The following ZNF680 variants were observed in gnomAD, a reference collection of about 807,000 sequenced individuals.
ZNF680 encodes the protein hypothetical protein FLJ90430.
A neutral mutation model predicts 12.1 loss-of-function variants in ZNF680; 6 were observed. That is an observed-to-expected ratio of 0.49 (90% confidence interval 0.27 to 0.98). The LOEUF is 0.98. Ranked by LOEUF, ZNF680 falls within the 50% of genes least tolerant of loss-of-function variation. The pLI is 0.12. For synonymous variants in ZNF680, 170 were observed against 199.3 expected (o/e 0.85, Z 1.24); for missense variants, 561 against 616.3 (o/e 0.91, Z 0.95).
rs190266989 is a variant in ZNF680 at position 64,530,697 on chromosome 7, A to G, written c.254-8197T>C. On this transcript the variant is annotated intron_variant, in intron 3 of 3. Transcript: ENST00000309683. The stretch of plus-strand genomic sequence containing the variant: ...AAAATGGAGAAACTCCATCTCTACT[A>G]AAAATACAAAAATTAGCCGGGTGTG... 7.9e-3 allele frequency among the ~76,000 whole-genome samples: 1,202 copies of G among 151,906 alleles called. 10 individuals are homozygous for G. Among genetic ancestry groups the G allele is most frequent in the Non-Finnish European group, 0.013 (876 of 67,924 alleles).
downstream of ZNF680, among the ~76,000 whole-genome samples, chr7:64,518,025 A>C (rs1263239684): frequency 2.6e-5 from 4 of 152,226 alleles, no homozygotes; most frequent in South Asian, 2.1e-4. Flanking sequence ...AACAGGAACA[A>C]CACCAGGATG....
chr7:64,562,918 C>T lies in ZNF680; in HGVS notation c.30+7G>A, dbSNP rs771677822. 1.7e-5 allele frequency: 27 copies of T among 1,613,730 alleles called. No homozygotes were observed. The highest frequency in any genetic ancestry group is 2.2e-5 in the South Asian group (2 of 91,080). Reference sequence around the variant, plus strand: ...CCCTCTCTCGGGGTGTCGGACCGCACTCTCACCATTTCTAGGCTTCCAGGT... The same window carrying T: ...CCCTCTCTCGGGGTGTCGGACCGCATTCTCACCATTTCTAGGCTTCCAGGT... On this transcript the variant is annotated splice_region_variant and intron_variant, in intron 1 of 3. Transcript: ENST00000309683.
intron 1 of ZNF680, among the ~76,000 whole-genome samples, chr7:64,556,134 A>G (rs1198035612): frequency 6.6e-6 from 1 of 152,096 alleles, no homozygotes; most frequent in Non-Finnish European, 1.5e-5. Flanking sequence ...ACACAAGCCA[A>G]TGGGCAGCCA....
At chr7:64,553,715 G>A (rs1351949881) in intron 1 of ZNF680, among the ~76,000 whole-genome samples, 2 of 152,172 alleles carry the variant, frequency 1.3e-5, no homozygotes, top group Non-Finnish European at 2.9e-5. Context: ...CCTGCCAAGT[G>A]CCTGGGATTG....
chr7:64,519,674 G>A (rs561565458), downstream of ZNF680, among the ~76,000 whole-genome samples: 4 of 151,762 alleles, frequency 2.6e-5, no homozygotes, highest in South Asian at 8.3e-4. Flanking sequence ...TTTGCTATGT[G>A]GAATCTAAAA....
rs1390226348 is a variant in ZNF680, at chr7:64,544,141, C to T, written c.157+165G>A. On this transcript the variant is annotated intron_variant, in intron 2 of 3. Transcript: ENST00000309683. ...GTGGAAAGTTCAGGTCAAGATGAAA[C>T]GTACTGAAGGAATTTTTTTCTACAT... 14 of 998,602 alleles carry T rather than the reference C, an allele frequency of 1.4e-5. 1 individual carries two copies. The highest frequency in any genetic ancestry group is 5.0e-5 in the South Asian group (3 of 60,534). 61.9% of individuals were successfully genotyped at this position (998,602 alleles called of 1,614,324 possible).
At chr7:64,534,381 T>C (rs1048242200) in intron 3 of ZNF680, among the ~76,000 whole-genome samples, 2 of 152,114 alleles carry the variant, frequency 1.3e-5, no homozygotes, top group African/African-American at 4.8e-5. Flanking sequence ...CAAAAGAAGA[T>C]ATACAAATGG....
At chr7:64,508,123 G>GTATATATATATATATATATA in the ZNF680 span, among the ~76,000 whole-genome samples, 474 of 117,582 alleles carry the variant, frequency 4.0e-3, 42 homozygotes, top group African/African-American at 0.018. Flanking sequence ...ATTTTAAAAT[G>GTATATATATATATATATATA]TATATATATA....
At chr7:64,504,001 A>G in the ZNF680 span, among the ~76,000 whole-genome samples, 1 of 152,216 alleles carries the variant, frequency 6.6e-6, no homozygotes, top group Admixed American at 6.5e-5. Context: ...GTGGTAAAAT[A>G]TTACTTTTAT....
chr7:64,534,179 CA>C (rs1460450680), intron 3 of ZNF680, among the ~76,000 whole-genome samples: 6 of 151,996 alleles, frequency 3.9e-5, no homozygotes, highest in Non-Finnish European at 8.8e-5. Flanking sequence ...CTTAATTAAA[CA>C]AAAGAGCTTT....
At chr7:64,529,315 C>T (rs1162198304) in intron 3 of ZNF680, among the ~76,000 whole-genome samples, 1 of 152,138 alleles carries the variant, frequency 6.6e-6, no homozygotes, top group African/African-American at 2.4e-5. Flanking sequence ...AAGAAGGAAT[C>T]CCTGTTTTAC....
At position 64,558,017 on chromosome 7, in the gene ZNF680, G is replaced by A. The variant is rs940615501; in HGVS notation, c.30+4908C>T. Among the ~76,000 whole-genome samples the A allele has an allele frequency of 3.3e-5, 5 of 152,256 alleles. No homozygotes were observed. The South Asian group carries it at 6.2e-4, about 19-fold the overall frequency. On this transcript the variant is annotated intron_variant, in intron 1 of 3. Transcript: ENST00000309683. ...CCCCAACCCTGAAACAAAAATAAAA[G>A]TTAAAAGGAATAAAATCCACAGGTG...
At chr7:64,503,060 T>G in the ZNF680 span, among the ~76,000 whole-genome samples, 1 of 151,996 alleles carries the variant, frequency 6.6e-6, no homozygotes, top group African/African-American at 2.4e-5. Context: ...TTGAATTAAA[T>G]TATTACTTAT....
At chr7:64,500,007 G>A in the ZNF680 span, among the ~76,000 whole-genome samples, 1 of 152,324 alleles carries the variant, frequency 6.6e-6, no homozygotes, top group East Asian at 1.9e-4. Context: ...AAGAGACACA[G>A]AAGCAGTCCA....
rs1021543212 is a variant in ZNF680, at chr7:64,540,599, G to A, written c.253+3108C>T. ...ATTACAGGCATGAGCCACTGAGCCC[G>A]GCTGATTTATCTTTTAATTAAACCC... On this transcript the variant is annotated intron_variant, in intron 3 of 3. Coordinates refer to ENST00000309683, the MANE Select transcript of ZNF680 (RefSeq NM_178558.5). Among the ~76,000 whole-genome samples the A allele has an allele frequency of 5.9e-5, 9 of 152,072 alleles. No individual in the cohort carries two copies. In the South Asian group the frequency reaches 8.3e-4, roughly 14 times the overall value.
In ZNF680 at chr7:64,522,156, GT is replaced by G. The variant is rs1285868613; in HGVS notation, c.597del (p.Gln199HisfsTer3). ...TTCTCTCTAGTGTGAATTCTTATAT[GT>G]TGTGTTAGATGTGAAAGCATGCAAA... The part of the protein sequence containing the change: ...KSFCMLSHLT[Q>X]HIRIHTRENS... On this transcript the variant is annotated frameshift_variant, in exon 4 of 4. Transcript: ENST00000309683. LOFTEE classifies it low-confidence loss of function (END_TRUNC). 1 of 1,612,960 alleles carries G rather than the reference GT, an allele frequency of 6.2e-7. No homozygotes were observed.
rs532422147 is a variant in ZNF680, at chr7:64,545,263, C to CAA, written c.31-833_31-832dup. On this transcript the variant is annotated intron_variant, in intron 1 of 3. Transcript: ENST00000309683. ...TGGGCAACAGAGTGAGACTCCATCTCAAAAAAAAAAAAAAAAAAAAAAAAA... is the reference window on the plus strand; with the variant it reads ...TGGGCAACAGAGTGAGACTCCATCTCAAAAAAAAAAAAAAAAAAAAAAAAAAA... Among the ~76,000 whole-genome samples, 82 of 89,724 alleles carry CAA rather than the reference C, an allele frequency of 9.1e-4. 1 individual carries two copies. The highest frequency in any genetic ancestry group is 1.2e-3 in the South Asian group (2 of 1,604). The allele number at this position is 89,724 out of a possible 152,430, so 58.9% of individuals were successfully genotyped here. A position where few individuals can be genotyped will look rare whatever the true frequency, so the allele number is the denominator to read the frequency against.
downstream of ZNF680, among the ~76,000 whole-genome samples, chr7:64,517,689 C>CT (rs891768231): frequency 2.6e-5 from 4 of 151,564 alleles, no homozygotes; most frequent in African/African-American, 9.7e-5. Flanking sequence ...GGCTAAAATC[C>CT]TTTAAAAAAA....
intron 3 of ZNF680, among the ~76,000 whole-genome samples, chr7:64,534,333 C>T (rs889875861): frequency 6.6e-6 from 1 of 152,100 alleles, no homozygotes; most frequent in Non-Finnish European, 1.5e-5. Flanking sequence ...CAAACAATCC[C>T]ATCGAAAAGT....
Sources: allele counts gnomAD v4.1 joint callset (sites outside exome capture counted in the v4.1 genomes callset), GRCh38; gene constraint gnomAD v4.1.1; transcripts MANE v1.5; gene names NCBI Gene and HGNC (gene_info 2026-07-23, HGNC 2026-07-21).